The following RALYL variants were observed in gnomAD, a reference collection of about 807,000 sequenced individuals.
RALYL encodes RNA-binding Raly-like protein.
RALYL carries 29 observed loss-of-function variants against 35.1 expected under a neutral mutation model. The ratio of observed to expected loss-of-function variants is 0.83; its 90% CI spans 0.61 to 1.13. The LOEUF is 1.13. RALYL is among the 50% of genes most tolerant of loss of function. The pLI is 0.00. For missense variants in RALYL, 359 were observed against 360.4 expected (o/e 1.00, Z 0.03); for synonymous variants, 120 against 127.6 (o/e 0.94, Z 0.40).
chr8:84,388,451 C>A (rs1478674911), intron 1 of RALYL, among the ~76,000 whole-genome samples: 1 of 152,088 alleles, frequency 6.6e-6, no homozygotes. Context: ...AGTTTATAGT[C>A]CCACCAACAG....
At chr8:84,387,803 C>CTTTTT (rs112006834) in intron 1 of RALYL, among the ~76,000 whole-genome samples, 80 of 135,530 alleles carry the variant, frequency 5.9e-4, no homozygotes, top group African/African-American at 2.1e-3. Context: ...TTCTTTCTTT[C>CTTTTT]TTTTTTTTTT....
At chr8:84,597,480 A>G (rs1403187493) in intron 2 of RALYL, among the ~76,000 whole-genome samples, 1 of 152,112 alleles carries the variant, frequency 6.6e-6, no homozygotes, top group Non-Finnish European at 1.5e-5. Context: ...CATGAGTCCT[A>G]TACTGACTGA....
At chr8:84,626,966 A>C (rs1162133098) in intron 2 of RALYL, among the ~76,000 whole-genome samples, 1 of 152,178 alleles carries the variant, frequency 6.6e-6, no homozygotes, top group African/African-American at 2.4e-5. Flanking sequence ...TATTCCAAGG[A>C]AAATGTAAAG....
chr8:84,364,391 C>G (rs1853756766), intron 1 of RALYL, among the ~76,000 whole-genome samples: 1 of 152,036 alleles, frequency 6.6e-6, no homozygotes, highest in South Asian at 2.1e-4. Context: ...CTGATAGAAA[C>G]TAAAAACATT....
intron 1 of RALYL, among the ~76,000 whole-genome samples, chr8:84,450,009 G>GA (rs1261847945): frequency 1.4e-4 from 21 of 149,192 alleles, no homozygotes; most frequent in Admixed American, 2.0e-4. Flanking sequence ...AAGGCGTTCA[G>GA]AAAAAAAAAT....
chr8:84,701,658 G>A (rs1840220855), intron 2 of RALYL, among the ~76,000 whole-genome samples: 1 of 152,122 alleles, frequency 6.6e-6, no homozygotes, highest in Non-Finnish European at 1.5e-5. Flanking sequence ...GAAGAGAGGG[G>A]GTGAGGTGAC....
chr8:84,556,760 G>T (rs937400773), intron 2 of RALYL, among the ~76,000 whole-genome samples: 1 of 152,084 alleles, frequency 6.6e-6, no homozygotes, highest in African/African-American at 2.4e-5. Context: ...TTACCACTCT[G>T]TTTCTACTCT....
At chr8:84,627,819 C>T (rs1221762568) in intron 2 of RALYL, among the ~76,000 whole-genome samples, 1 of 152,016 alleles carries the variant, frequency 6.6e-6, no homozygotes, top group Non-Finnish European at 1.5e-5. Flanking sequence ...TCTGTTTCCT[C>T]TCTCTTCTTT....
intron 1 of RALYL, among the ~76,000 whole-genome samples, chr8:84,435,318 A>G (rs1357387086): frequency 6.6e-6 from 1 of 152,146 alleles, no homozygotes; most frequent in Admixed American, 6.6e-5. Context: ...CATTTACTGT[A>G]TAGACATAAC....
intron 1 of RALYL, among the ~76,000 whole-genome samples, chr8:84,499,814 G>A (rs892644891): frequency 7.2e-5 from 11 of 152,018 alleles, no homozygotes; most frequent in African/African-American, 2.7e-4. Context: ...CAGTGCAGTG[G>A]CACCATCATG....
chr8:84,396,337 A>T (rs988140901), intron 1 of RALYL, among the ~76,000 whole-genome samples: 1 of 152,128 alleles, frequency 6.6e-6, no homozygotes, highest in Non-Finnish European at 1.5e-5. Flanking sequence ...AAGATAATTT[A>T]TATAGTTCTT....
In RALYL at chr8:84,283,169, AAATGTTGAGTTATGTAT is replaced by A. The variant is rs1398750831; in HGVS notation, c.-24+98765_-24+98781del. On this transcript the variant is annotated intron_variant, in intron 1 of 8. Transcript: ENST00000521268. ...GTGATGTATAAGAGTTGTTATGTATAAATGTTGAGTTATGTATAATGTTGAGTTATGTATAAAAGAAT... is the reference window on the plus strand; with the variant it reads ...GTGATGTATAAGAGTTGTTATGTATAAATGTTGAGTTATGTATAAAAGAAT... Among the ~76,000 whole-genome samples, 413 of 152,256 alleles carry A rather than the reference AAATGTTGAGTTATGTAT, an allele frequency of 2.7e-3. 1 individual carries two copies. The highest frequency in any genetic ancestry group is 9.6e-3 in the African/African-American group (397 of 41,564).
intron 2 of RALYL, among the ~76,000 whole-genome samples, chr8:84,531,166 A>C (rs1339792005): frequency 6.6e-6 from 1 of 152,204 alleles, no homozygotes; most frequent in Non-Finnish European, 1.5e-5. Flanking sequence ...ACAAATATAA[A>C]GATGAAGAAG....
chr8:84,315,313 TG>T (rs1843528635), intron 1 of RALYL, among the ~76,000 whole-genome samples: 2 of 152,210 alleles, frequency 1.3e-5, no homozygotes, highest in Non-Finnish European at 2.9e-5. Context: ...GAAGTCTCTA[TG>T]TACTGATGGG....
At chr8:84,305,980 T>C (rs528627916) in intron 1 of RALYL, among the ~76,000 whole-genome samples, 1 of 152,084 alleles carries the variant, frequency 6.6e-6, no homozygotes, top group South Asian at 2.1e-4. Flanking sequence ...CTGGCCAACA[T>C]AGTGAAACCC....
At chr8:84,887,337 T>G (rs1047004096) in intron 7 of RALYL, among the ~76,000 whole-genome samples, 1 of 152,182 alleles carries the variant, frequency 6.6e-6, no homozygotes, top group African/African-American at 2.4e-5. Flanking sequence ...TATGTAAATC[T>G]TACTAATTTA....
intron 1 of RALYL, among the ~76,000 whole-genome samples, chr8:84,488,545 C>T (rs2054900308): frequency 6.6e-6 from 1 of 151,954 alleles, no homozygotes; most frequent in African/African-American, 2.4e-5. Context: ...CCTTTCTTCC[C>T]AATAGGCTGC....
intron 1 of RALYL, among the ~76,000 whole-genome samples, chr8:84,252,259 A>G (rs755288753): frequency 2.0e-5 from 3 of 152,096 alleles, no homozygotes; most frequent in Non-Finnish European, 4.4e-5. Flanking sequence ...CCCTATTACT[A>G]TCATTTATTT....
intron 4 of RALYL, among the ~76,000 whole-genome samples, chr8:84,821,241 A>G (rs1828458871): frequency 6.6e-6 from 1 of 152,202 alleles, no homozygotes; most frequent in Non-Finnish European, 1.5e-5. Flanking sequence ...TTCTTCAATG[A>G]ATCTTTACTG....
Sources: allele counts gnomAD v4.1 joint callset (sites outside exome capture counted in the v4.1 genomes callset), GRCh38; gene constraint gnomAD v4.1.1; transcripts MANE v1.5; gene names NCBI Gene and HGNC (gene_info 2026-07-23, HGNC 2026-07-21).